Variants in ENOX1 observed in about 807,000 individuals in gnomAD.
The protein encoded by ENOX1 is candidate growth-related and time keeping constitutive hydroquinone (NADH) oxidase.
ENOX1 carries 42 observed loss-of-function variants against 82.5 expected under a neutral mutation model. The ratio of observed to expected loss-of-function variants is 0.51; its 90% confidence interval spans 0.40 to 0.66. The LOEUF (loss-of-function observed/expected upper bound fraction) is 0.66. ENOX1 is among the 30% of genes least tolerant of loss of function. The pLI is 0.00. For synonymous variants in ENOX1, 271 were observed against 282.2 expected (o/e 0.96, Z 0.40); for missense variants, 608 against 811.6 (o/e 0.75, Z 3.05).
rs1218893215 is a variant in ENOX1 at position 43,369,013 on chromosome 13, C to T, written c.209-7561G>A. On this transcript the variant is annotated intron_variant, in intron 5 of 16. Coordinates refer to ENST00000690772, the MANE Select transcript of ENOX1 (RefSeq NM_001347969.2). ...CCTCTAGTGACACTGCACTCACTAGCTCCTGACATTGCCCATTCTTTTTTT... is the reference window on the plus strand; with the variant it reads ...CCTCTAGTGACACTGCACTCACTAGTTCCTGACATTGCCCATTCTTTTTTT... 4.0e-5 allele frequency among the ~76,000 whole-genome samples: 6 copies of T among 149,966 alleles called. No homozygotes were observed. The Admixed American group carries it at 4.0e-4, about 10-fold the overall frequency.
chr13:43,349,833 A>T (rs2049652950), intron 8 of ENOX1, among the ~76,000 whole-genome samples: 3 of 152,238 alleles, frequency 2.0e-5, no homozygotes. Flanking sequence ...TTCAAAAGGA[A>T]TAGATGTGAT....
At chr13:43,359,135 G>A (rs2050336028) in intron 7 of ENOX1, among the ~76,000 whole-genome samples, 1 of 152,096 alleles carries the variant, frequency 6.6e-6, no homozygotes, top group Admixed American at 6.5e-5. Flanking sequence ...TCAGGAATAG[G>A]GAGGTGAAAT....
At chr13:43,517,787 T>A (rs2077612672) in intron 2 of ENOX1, among the ~76,000 whole-genome samples, 1 of 152,130 alleles carries the variant, frequency 6.6e-6, no homozygotes, top group South Asian at 2.1e-4. Context: ...ACTACATCAC[T>A]AGAATGGGAT....
At chr13:43,333,647 C>T (rs188992954) in intron 9 of ENOX1, among the ~76,000 whole-genome samples, 32 of 152,326 alleles carry the variant, frequency 2.1e-4, no homozygotes, top group Admixed American at 1.6e-3. Flanking sequence ...CTTTTTGAGA[C>T]GGAGTCTCAC....
intron 2 of ENOX1, among the ~76,000 whole-genome samples, chr13:43,637,360 G>A (rs1288719906): frequency 6.6e-6 from 1 of 152,150 alleles, no homozygotes; most frequent in Non-Finnish European, 1.5e-5. Flanking sequence ...AAAAAAGTGG[G>A]TTAATCTCAT....
chr13:43,528,959 G>C (rs2078095117), intron 2 of ENOX1, among the ~76,000 whole-genome samples: 1 of 151,834 alleles, frequency 6.6e-6, no homozygotes, highest in Admixed American at 6.6e-5. Context: ...TATTTTGAGA[G>C]GACTGCTTCA....
chr13:43,565,462 T>G (rs1417141906), intron 2 of ENOX1, among the ~76,000 whole-genome samples: 1 of 152,016 alleles, frequency 6.6e-6, no homozygotes, highest in Non-Finnish European at 1.5e-5. Flanking sequence ...GAAGCTCCAG[T>G]GGCCTGGGGT....
At chr13:43,719,409 A>G (rs918071498) in intron 1 of ENOX1, among the ~76,000 whole-genome samples, 12 of 150,032 alleles carry the variant, frequency 8.0e-5, no homozygotes, top group African/African-American at 3.0e-4. Context: ...GTCTTGCTCT[A>G]GCCTGCCCTT....
intron 11 of ENOX1, among the ~76,000 whole-genome samples, chr13:43,321,912 G>C (rs932257601): frequency 1.3e-5 from 2 of 152,180 alleles, no homozygotes; most frequent in South Asian, 4.1e-4. Flanking sequence ...GACACCCCTA[G>C]CTTGGTACCA....
Position 43,276,008 on chromosome 13 carries a change from C to A in ENOX1, c.1447-6431G>T, listed in dbSNP as rs570356095. Among the ~76,000 whole-genome samples the A allele has an allele frequency of 5.9e-5, 9 of 152,302 alleles. No individual in the cohort carries two copies. In the East Asian group the frequency reaches 1.7e-3, roughly 29 times the overall value. On this transcript the variant is annotated intron_variant, in intron 12 of 16. Coordinates refer to ENST00000690772, the MANE Select transcript of ENOX1 (RefSeq NM_001347969.2). ...TGAGCCACTGAATATTCACGATAATCTGGGAATATTTGAACCCACAGAATG... is the reference window on the plus strand; with the variant it reads ...TGAGCCACTGAATATTCACGATAATATGGGAATATTTGAACCCACAGAATG...
chr13:43,447,486 G>A (rs190005687), intron 3 of ENOX1, among the ~76,000 whole-genome samples: 35 of 152,024 alleles, frequency 2.3e-4, no homozygotes, highest in Admixed American at 5.9e-4. Context: ...AATAGGAGAG[G>A]GGTAGGAACC....
At chr13:43,625,791 T>C (rs1566662225) in intron 2 of ENOX1, among the ~76,000 whole-genome samples, 1 of 151,996 alleles carries the variant, frequency 6.6e-6, no homozygotes, top group Non-Finnish European at 1.5e-5. Context: ...TTGATACTGG[T>C]AGACAGTTTT....
In ENOX1 at chr13:43,355,903, C is replaced by A. The variant is rs561871262; in HGVS notation, c.823+16G>T. The A allele has an allele frequency of 6.3e-7, 1 of 1,598,928 alleles. No homozygotes were observed. On this transcript the variant is annotated intron_variant, in intron 8 of 16. Coordinates refer to ENST00000690772, the MANE Select transcript of ENOX1 (RefSeq NM_001347969.2). ...ATCCCTGTGGAGGAAGAAAAGCCAGCGTGGGTGGCCCATACCTTTCAGCTT... is the reference window on the plus strand; with the variant it reads ...ATCCCTGTGGAGGAAGAAAAGCCAGAGTGGGTGGCCCATACCTTTCAGCTT...
At chr13:43,616,198 ATATATAT>A (rs1432489287) in intron 2 of ENOX1, among the ~76,000 whole-genome samples, 518 of 19,862 alleles carry the variant, frequency 0.026, 123 homozygotes, top group Middle Eastern at 0.14. Flanking sequence ...ATATATATAT[ATATATAT>A]TTTTTTTTTT....
intron 2 of ENOX1, among the ~76,000 whole-genome samples, chr13:43,629,021 G>A (rs2153749956): frequency 6.6e-6 from 1 of 152,250 alleles, no homozygotes; most frequent in South Asian, 2.1e-4. Context: ...CATAATTTTT[G>A]TTAGGTAGAA....
chr13:43,424,222 T>C (rs897248421), intron 3 of ENOX1, among the ~76,000 whole-genome samples: 1 of 152,224 alleles, frequency 6.6e-6, no homozygotes, highest in South Asian at 2.1e-4. Flanking sequence ...TCTTCTTACA[T>C]AAAGGAAATC....
At chr13:43,261,788 A>G (rs1478198898) in intron 14 of ENOX1, among the ~76,000 whole-genome samples, 1 of 137,824 alleles carries the variant, frequency 7.3e-6, no homozygotes, top group Non-Finnish European at 1.5e-5. Flanking sequence ...GAATTGAACA[A>G]TGAGATCACA....
intron 2 of ENOX1, among the ~76,000 whole-genome samples, chr13:43,618,347 T>C (rs1161229458): frequency 6.6e-6 from 1 of 152,190 alleles, no homozygotes; most frequent in Non-Finnish European, 1.5e-5. Flanking sequence ...GTTTTTCCAA[T>C]GTTATCTTGT....
intron 2 of ENOX1, among the ~76,000 whole-genome samples, chr13:43,616,153 G>GATCT (rs2082434221): frequency 1.0e-3 from 17 of 16,386 alleles, no homozygotes; most frequent in African/African-American, 2.6e-3. Context: ...TATCTATATA[G>GATCT]ATAGATATCT....
Sources: allele counts gnomAD v4.1 joint callset (sites outside exome capture counted in the v4.1 genomes callset), GRCh38; gene constraint gnomAD v4.1.1; transcripts MANE v1.5; gene names NCBI Gene and HGNC (gene_info 2026-07-23, HGNC 2026-07-21).